SYT1: variants seen among roughly 807,000 people sequenced by gnomAD.
SYT1 encodes the protein synaptotagmin-1.
SYT1 carries 8 observed loss-of-function variants against 44.8 expected under a neutral mutation model. The ratio of observed to expected loss-of-function variants is 0.18; its 90% CI spans 0.10 to 0.32. The LOEUF is 0.32. Ranked by LOEUF, SYT1 falls within the 10% of genes least tolerant of loss-of-function variation. The pLI is 1.00. For synonymous variants in SYT1, 154 were observed against 188.8 expected (o/e 0.82, Z 1.51); for missense variants, 286 against 509.3 (o/e 0.56, Z 4.22).
At chr12:79,300,789 T>TTATATATATATATATATATATATA (rs56934430) in intron 8 of SYT1, among the ~76,000 whole-genome samples, 3 of 89,608 alleles carry the variant, frequency 3.3e-5, no homozygotes, top group Non-Finnish European at 6.6e-5. Context: ...TGTATACTTA[T>TTATATATATATATATATATATATA]TATATATATA....
chr12:79,420,785 A>AG (rs1869060949), intron 9 of SYT1, among the ~76,000 whole-genome samples: 1 of 152,158 alleles, frequency 6.6e-6, no homozygotes, highest in Non-Finnish European at 1.5e-5. Flanking sequence ...ACTGAGAAGT[A>AG]GGAAAAAGTA....
intron 3 of SYT1, among the ~76,000 whole-genome samples, chr12:79,197,146 G>A (rs1873509543): frequency 6.6e-6 from 1 of 152,190 alleles, no homozygotes. Context: ...AGTTGGAAAT[G>A]GGGGAACCCA....
At chr12:79,320,201 T>C (rs1444581511) in intron 8 of SYT1, among the ~76,000 whole-genome samples, 2 of 152,168 alleles carry the variant, frequency 1.3e-5, no homozygotes, top group African/African-American at 4.8e-5. Context: ...TAAAATGTAC[T>C]GCGATGTGAA....
chr12:79,336,576 G>A (rs914113836), intron 8 of SYT1, among the ~76,000 whole-genome samples: 1 of 151,978 alleles, frequency 6.6e-6, no homozygotes, highest in African/African-American at 2.4e-5. Flanking sequence ...GCAAGCTAGA[G>A]CCAAAAGTAG....
chr12:78,915,119 G>A (rs577365287), intron 1 of SYT1, among the ~76,000 whole-genome samples: 32 of 152,088 alleles, frequency 2.1e-4, no homozygotes, highest in African/African-American at 7.7e-4. Flanking sequence ...GATGCTTTAG[G>A]AAGATTGAAG....
chr12:79,404,440 C>T lies in SYT1; in HGVS notation c.929-39633C>T, dbSNP rs368624500. Among the ~76,000 whole-genome samples the T allele has an allele frequency of 3.9e-5, 6 of 152,264 alleles. No individual in the cohort carries two copies. In the South Asian group the frequency reaches 6.2e-4, roughly 16 times the overall value. ...ACCAGCATTAAACAAGCCTCTCCCC[C>T]ATGTTCTTTGAGAAACTACAGTACA... On this transcript the variant is annotated intron_variant, in intron 9 of 10. Transcript: ENST00000261205.
intron 8 of SYT1, among the ~76,000 whole-genome samples, chr12:79,331,860 G>A (rs969530706): frequency 1.3e-5 from 2 of 151,986 alleles, no homozygotes; most frequent in African/African-American, 4.8e-5. Flanking sequence ...AATGATAAAA[G>A]TTATCTGGTG....
intron 4 of SYT1, among the ~76,000 whole-genome samples, chr12:79,284,694 C>T (rs560370440): frequency 6.6e-6 from 1 of 152,056 alleles, no homozygotes; most frequent in East Asian, 1.9e-4. Flanking sequence ...TAAAAATTAG[C>T]TGGGCATGGT....
chr12:79,240,354 T>C (rs1025673778), intron 4 of SYT1, among the ~76,000 whole-genome samples: 8 of 152,238 alleles, frequency 5.3e-5, no homozygotes, highest in African/African-American at 1.9e-4. Flanking sequence ...TCTTCTCTCC[T>C]TCTTTTTGGT....
chr12:79,367,474 T>C (rs879320923), intron 9 of SYT1, among the ~76,000 whole-genome samples: 5 of 152,168 alleles, frequency 3.3e-5, no homozygotes, highest in African/African-American at 4.8e-5. Flanking sequence ...TGCTACATAA[T>C]TGAGTGGTCA....
rs558965505 is a variant in SYT1 at position 79,272,290 on chromosome 12, A to C, written c.167-13497A>C. Among the ~76,000 whole-genome samples, 39 of 152,338 alleles carry C rather than the reference A, an allele frequency of 2.6e-4. 1 individual carries two copies. The South Asian group carries it at 7.7e-3, about 30-fold the overall frequency. On this transcript the variant is annotated intron_variant, in intron 4 of 10. Transcript: ENST00000261205. The stretch of plus-strand genomic sequence containing the variant: ...TGACAGAGGACTTTGAACACTGTGC[A>C]CAAAATAATTGATAATTATATATTG...
At position 79,123,901 on chromosome 12, in the gene SYT1, G is replaced by C. The variant is rs180851252; in HGVS notation, c.-18+76539G>C. ...ACTCTTCCCCTTAAGTGAAGAGGAG[G>C]CTAATTAAAGACTCTTTAATGCCAA... On this transcript the variant is annotated intron_variant, in intron 3 of 10. Transcript: ENST00000261205. 4.0e-3 allele frequency among the ~76,000 whole-genome samples: 603 copies of C among 152,202 alleles called. 7 individuals are homozygous for C. The highest frequency in any genetic ancestry group is 0.014 in the African/African-American group (570 of 41,524).
At position 79,353,593 on chromosome 12, in the gene SYT1, A is replaced by C; in HGVS notation, c.902A>C (p.Lys301Thr). The C allele has an allele frequency of 6.2e-7, 1 of 1,614,020 alleles. No individual in the cohort carries two copies. The highest frequency in any genetic ancestry group is 8.5e-7 in the Non-Finnish European group (1 of 1,179,888). Residue 301 changes from lysine (K) to threonine (T), a missense_variant, in exon 9 of 11, where the codon AAG (lysine) becomes ACG (threonine). By Grantham distance (78) the Lys-to-Thr change is moderately conservative. This residue lies in a region of SYT1 where 15 missense variants were observed against 84.6 expected (regional missense o/e 0.18). Coordinates refer to ENST00000261205, the MANE Select transcript of SYT1 (RefSeq NM_005639.3). ...TVVILEAKNLKKMDVGGLSDP... is the reference protein window; with the variant it reads ...TVVILEAKNLTKMDVGGLSDP... ...GTCATTCTGGAGGCAAAGAACCTGA[A>C]GAAGATGGATGTGGGTGGCTTATCC...
chr12:79,002,336 A>G (rs1189771961), intron 2 of SYT1, among the ~76,000 whole-genome samples: 2 of 152,096 alleles, frequency 1.3e-5, no homozygotes, highest in African/African-American at 2.4e-5. Context: ...CTTTATTATA[A>G]TTTTCATTTA....
chr12:79,237,167 A>G (rs1359124467), intron 4 of SYT1, among the ~76,000 whole-genome samples: 1 of 152,212 alleles, frequency 6.6e-6, no homozygotes, highest in Non-Finnish European at 1.5e-5. Flanking sequence ...TGCTGTTGAC[A>G]GGTGCTGTGT....
chr12:79,446,058 C>T (rs2136206461), intron 10 of SYT1, among the ~76,000 whole-genome samples: 1 of 108,634 alleles, frequency 9.2e-6, no homozygotes, highest in Middle Eastern at 7.6e-3. Context: ...AAGTTAACCA[C>T]TTTATGTATG....
intron 2 of SYT1, among the ~76,000 whole-genome samples, chr12:79,024,615 A>G (rs1013513153): frequency 1.3e-5 from 2 of 151,804 alleles, no homozygotes; most frequent in African/African-American, 4.8e-5. Context: ...AGAGTTTCTA[A>G]TTGCTAGGAA....
At position 79,299,489 on chromosome 12, in the gene SYT1, A is replaced by T; in HGVS notation, c.748A>T (p.Thr250Ser). ...TGGAGAATTTAAAGTCCCTATGAAC[A>T]CAGTGGATTTTGGCCATGTAACTGA... is the stretch of plus-strand genomic sequence containing the variant. ...IIGEFKVPMN[T>S]VDFGHVTEEW... The change falls in exon 8 of 11, where the codon ACA becomes TCA. Residue 250 changes from threonine (T) to serine (S), a missense_variant. Transcript: ENST00000261205. 6.2e-7 allele frequency: 1 copy of T among 1,613,606 alleles called. No individual in the cohort carries two copies. Among genetic ancestry groups the T allele is most frequent in the Non-Finnish European group, 8.5e-7 (1 of 1,179,638 alleles).
intron 2 of SYT1, among the ~76,000 whole-genome samples, chr12:79,032,731 TTCTGATTATTC>T (rs1366830190): frequency 6.6e-6 from 1 of 151,402 alleles, no homozygotes; most frequent in Non-Finnish European, 1.5e-5. Flanking sequence ...TATGATTATT[TTCTGATTATTC>T]CCTATTTCAA....
Sources: gnomAD v4.1 joint callset for allele counts (sites outside exome capture counted in the v4.1 genomes callset) on GRCh38, gnomAD v4.1.1 for gene constraint, gnomAD v4.1.1 regional missense constraint, MANE v1.5 for transcripts, NCBI Gene and HGNC (gene_info 2026-07-23, HGNC 2026-07-21) for gene names.